MAPK6: variants seen among roughly 807,000 people sequenced by gnomAD.
MAPK6 encodes ERK-3.
A neutral mutation model predicts 59.3 loss-of-function variants in MAPK6; 19 were observed. The ratio of observed to expected loss-of-function variants is 0.32; its 90% CI spans 0.22 to 0.47. MAPK6 has a LOEUF of 0.47. Among genes scored for constraint, MAPK6 ranks in the 20% least tolerant of loss-of-function variants. MAPK6 has a pLI of 1.00. For synonymous variants in MAPK6, 316 were observed against 290.3 expected, an observed-to-expected ratio of 1.09 and a Z score of -0.90; for missense variants, 724 against 847.9, an observed-to-expected ratio of 0.85 and a Z score of 1.81.
At chr15:52,010,839 C>T (rs2030035696) in intron 3 of MAPK6, among the ~76,000 whole-genome samples, 1 of 152,244 alleles carries the variant, frequency 6.6e-6, no homozygotes, top group South Asian at 2.1e-4. Flanking sequence ...TCTTGTTGCC[C>T]CATCCAATTA....
At chr15:52,037,672 A>G (rs2031287123) in intron 1 of MAPK6, among the ~76,000 whole-genome samples, 1 of 152,136 alleles carries the variant, frequency 6.6e-6, no homozygotes, top group Non-Finnish European at 1.5e-5. Flanking sequence ...ATTCGCATAG[A>G]GTGAGGGTCC....
chr15:52,030,172 A>T (rs1322251688), intron 1 of MAPK6, among the ~76,000 whole-genome samples: 1 of 152,190 alleles, frequency 6.6e-6, no homozygotes, highest in Admixed American at 6.6e-5. Flanking sequence ...ATCTCTTAGC[A>T]GTGCTGGTAG....
At chr15:52,024,087 C>G (rs2030656267) in intron 1 of MAPK6, among the ~76,000 whole-genome samples, 1 of 152,020 alleles carries the variant, frequency 6.6e-6, no homozygotes, top group African/African-American at 2.4e-5. Flanking sequence ...TTTTAGAATC[C>G]TAGCATTTAC....
intron 3 of MAPK6, among the ~76,000 whole-genome samples, chr15:52,053,877 T>C (rs532768679): frequency 6.6e-6 from 1 of 151,912 alleles, no homozygotes; most frequent in Admixed American, 6.6e-5. Context: ...GACCTCATGA[T>C]CCACTCGCCT....
At chr15:51,993,826 G>T (rs2057216998) in intron 2 of MAPK6, among the ~76,000 whole-genome samples, 1 of 146,890 alleles carries the variant, frequency 6.8e-6, no homozygotes. Flanking sequence ...TTGACATGAG[G>T]TCTCACTATG....
intron 1 of MAPK6, among the ~76,000 whole-genome samples, chr15:52,039,528 T>G (rs2031350072): frequency 2.0e-5 from 3 of 148,856 alleles, no homozygotes; most frequent in Admixed American, 2.0e-4. Context: ...TTTTTTTTTT[T>G]TTTTGAAGAC....
Position 52,064,406 on chromosome 15 carries a change from A to T in MAPK6, c.1572A>T (p.Gly524=). Reference sequence around the variant, plus strand: ...GAAAAGAAAGGGAAAAGAATCAGGGATTTGATTTTGATTCCTTTATTGCAG... The same window carrying T: ...GAAAAGAAAGGGAAAAGAATCAGGGTTTTGATTTTGATTCCTTTATTGCAG... The part of the protein sequence containing the change: ...LAGKEREKNQ[G]FDFDSFIAGT... Residue 524 remains glycine, a synonymous_variant, in exon 6 of 6, where the codon GGA becomes GGT. Coordinates refer to ENST00000261845, the MANE Select transcript of MAPK6 (RefSeq NM_002748.4). The T allele has an allele frequency of 4.3e-6, 7 of 1,611,938 alleles. No individual in the cohort carries two copies. Among genetic ancestry groups the T allele is most frequent in the Non-Finnish European group, 5.9e-6 (7 of 1,179,826 alleles).
intron 3 of MAPK6, 59 bp downstream of exon 3, chr15:52,050,196 C>G: frequency 7.1e-7 from 1 of 1,400,606 alleles, no homozygotes; most frequent in Non-Finnish European, 9.9e-7. Flanking sequence ...CATTTTATCT[C>G]TGAAGCAAGA....
At chr15:52,034,406 G>C (rs977238671) in intron 1 of MAPK6, among the ~76,000 whole-genome samples, 1 of 151,628 alleles carries the variant, frequency 6.6e-6, no homozygotes, top group Admixed American at 6.6e-5. Context: ...TCTGCCTCCC[G>C]GGTTCAAGCA....
upstream of MAPK6, among the ~76,000 whole-genome samples, chr15:52,016,062 GCGCGCGCGCACACACACA>G (rs1369527534): frequency 3.4e-5 from 2 of 59,100 alleles, no homozygotes; most frequent in East Asian, 4.6e-4. Flanking sequence ...TCGCGCGCGC[GCGCGCGCGCACACACACA>G]CACACACACA....
At chr15:52,050,498 C>T (rs952181497) in intron 3 of MAPK6, among the ~76,000 whole-genome samples, 1 of 152,148 alleles carries the variant, frequency 6.6e-6, no homozygotes. Flanking sequence ...GGTCCCCTCC[C>T]CCTATAAACA....
intron 2 of MAPK6, among the ~76,000 whole-genome samples, chr15:52,000,555 C>T: frequency 6.6e-6 from 1 of 152,146 alleles, no homozygotes; most frequent in East Asian, 1.9e-4. Context: ...CGCCTGTAAT[C>T]CCAGCACTTT....
At position 52,061,374 on chromosome 15, in the gene MAPK6, C is replaced by G. The variant is rs1194496791; in HGVS notation, c.941C>G (p.Pro314Arg). 1 of 1,614,062 alleles carries G rather than the reference C, an allele frequency of 6.2e-7. No homozygotes were observed. The stretch of plus-strand genomic sequence containing the variant: ...ACAGCAGAAGAAGCACTCTCCCATC[C>G]TTACATGAGCATATATTCTTTTCCA... ...RLTAEEALSH[P>R]YMSIYSFPMD... The change falls in exon 5 of 6, where the codon CCT (proline) becomes CGT (arginine). Residue 314 changes from proline to arginine, a missense_variant. By Grantham distance (103) the Pro-to-Arg change is moderately radical. Coordinates refer to ENST00000261845, the MANE Select transcript of MAPK6 (RefSeq NM_002748.4).
intron 5 of MAPK6, 88 bp from the exon 6 acceptor site, chr15:52,063,814 G>C: frequency 8.4e-7 from 1 of 1,196,404 alleles, no homozygotes; most frequent in East Asian, 2.4e-5. Context: ...CATAGACCTA[G>C]CACAGTGCTG....
At position 52,046,743 on chromosome 15, in the gene MAPK6, G is replaced by A. The variant is rs1595997380; in HGVS notation, c.283G>A (p.Val95Met). 1 of 1,614,230 alleles carries A rather than the reference G, an allele frequency of 6.2e-7. No homozygotes were observed. Among genetic ancestry groups the A allele is most frequent in the East Asian group, 2.2e-5 (1 of 44,892 alleles). Residue 95 changes from valine (V) to methionine (M), a missense_variant, in exon 2 of 6, where the codon GTG becomes ATG. This residue lies in a region of MAPK6 where 87 missense variants were observed against 93.0 expected (regional missense o/e 0.93). Coordinates refer to ENST00000261845, the MANE Select transcript of MAPK6 (RefSeq NM_002748.4). ...GPSGSQLTDDVGSLTELNSVY... is the reference protein window; with the variant it reads ...GPSGSQLTDDMGSLTELNSVY... ...CAGTGGAAGCCAATTAACAGACGAT[G>A]TGGGCTCTCTTACGGAACTGAACAG...
upstream of MAPK6, among the ~76,000 whole-genome samples, chr15:52,016,649 CT>C (rs2030280260): frequency 6.6e-6 from 1 of 152,160 alleles, no homozygotes; most frequent in South Asian, 2.1e-4. Context: ...CCTTTAGGCT[CT>C]CTTCAAAACT....
chr15:51,975,226 A>G (rs532044804), intron 1 of MAPK6, among the ~76,000 whole-genome samples: 1 of 151,920 alleles, frequency 6.6e-6, no homozygotes, highest in Middle Eastern at 3.4e-3. Context: ...ATCATCACAA[A>G]CATTTTTACA....
chr15:51,980,914 G>A (rs2057170988), intron 1 of MAPK6, among the ~76,000 whole-genome samples: 1 of 151,448 alleles, frequency 6.6e-6, no homozygotes. Flanking sequence ...TCAACGTAGA[G>A]CTGATTACCT....
intron 1 of MAPK6, among the ~76,000 whole-genome samples, chr15:52,029,850 T>G (rs2030961500): frequency 6.6e-6 from 1 of 152,230 alleles, no homozygotes; most frequent in African/African-American, 2.4e-5. Context: ...TCTTAACTGG[T>G]CTTTGCTTTT....
Sources: allele counts gnomAD v4.1 joint callset (sites outside exome capture counted in the v4.1 genomes callset), GRCh38; gene constraint gnomAD v4.1.1; regional missense constraint gnomAD v4.1.1; transcripts MANE v1.5; gene names NCBI Gene and HGNC (gene_info 2026-07-23, HGNC 2026-07-21).